Variants in DCAF5 observed in about 807,000 individuals in gnomAD.
The protein encoded by DCAF5 is DDB1- and CUL4-associated factor 5.
Under a neutral mutation model 80.7 loss-of-function variants are expected in DCAF5, and 9 were observed. The ratio of observed to expected loss-of-function variants is 0.11; its 90% CI spans 0.07 to 0.19. The LOEUF (loss-of-function observed/expected upper bound fraction) is 0.19. Ranked by LOEUF, DCAF5 falls within the 10% of genes least tolerant of loss-of-function variation. DCAF5 has a pLI of 1.00. For missense variants in DCAF5, 842 were observed against 1,205.7 expected (o/e 0.70, Z 4.47); for synonymous variants, 433 against 461.9 (o/e 0.94, Z 0.80).
chr14:69,102,601 C>CACACACACACACACACACACACACACAA (rs2039998742), intron 5 of DCAF5, among the ~76,000 whole-genome samples: 1 of 148,558 alleles, frequency 6.7e-6, no homozygotes, highest in Non-Finnish European at 1.5e-5. Flanking sequence ...GACACACACA[C>CACACACACACACACACACACACACACAA]ACACACACAC....
intron 6 of DCAF5, among the ~76,000 whole-genome samples, chr14:69,083,086 C>G (rs916739098): frequency 6.6e-6 from 1 of 152,292 alleles, no homozygotes. Context: ...ACTCCAAAAC[C>G]TTTTAAGCTT....
At chr14:69,122,490 A>G in intron 1 of DCAF5, 130 bp from the exon 2 acceptor site, 1 of 925,526 alleles carries the variant, frequency 1.1e-6, no homozygotes, top group Non-Finnish European at 1.6e-6. Context: ...CGCATGGAGC[A>G]CAAAAACCCA....
chr14:69,136,415 C>T (rs1161220101), intron 1 of DCAF5, among the ~76,000 whole-genome samples: 1 of 152,054 alleles, frequency 6.6e-6, no homozygotes, highest in South Asian at 2.1e-4. Flanking sequence ...AGCACCCAGC[C>T]TATAATTTTC....
rs1437039592 is a variant in DCAF5, at chr14:69,091,663, A to T, written c.879+11T>A. 6.2e-7 allele frequency: 1 copy of T among 1,610,934 alleles called. No homozygotes were observed. The highest frequency in any genetic ancestry group is 2.2e-5 in the East Asian group (1 of 44,844). On this transcript the variant is annotated intron_variant, in intron 6 of 8. Coordinates refer to ENST00000341516, the MANE Select transcript of DCAF5 (RefSeq NM_003861.3). The stretch of plus-strand genomic sequence containing the variant: ...CATAAGTGTGAGATGCAGGAGGCAG[A>T]CAGCATTTACCTGGTCACGATCTCC...
chr14:69,130,429 G>A (rs931644007), intron 1 of DCAF5, among the ~76,000 whole-genome samples: 1 of 152,224 alleles, frequency 6.6e-6, no homozygotes, highest in African/African-American at 2.4e-5. Flanking sequence ...TGGGGGAAAA[G>A]AGGAATGGCG....
At chr14:69,113,402 T>C (rs943243588) in intron 5 of DCAF5, among the ~76,000 whole-genome samples, 2 of 152,182 alleles carry the variant, frequency 1.3e-5, no homozygotes, top group Non-Finnish European at 2.9e-5. Flanking sequence ...AGGGTCTCTA[T>C]GAGAACTTGG....
At chr14:69,091,540 A>G in intron 6 of DCAF5, 134 bp downstream of exon 6, 1 of 785,978 alleles carries the variant, frequency 1.3e-6, no homozygotes. Context: ...AAGTCAGAAC[A>G]TCTCCAGGCA....
intron 6 of DCAF5, 46 bp downstream of exon 6, chr14:69,091,628 G>A (rs966336102): frequency 6.5e-7 from 1 of 1,544,310 alleles, no homozygotes; most frequent in Non-Finnish European, 8.9e-7. Flanking sequence ...AGAACAATCA[G>A]AAAGAAAAGC....
intron 6 of DCAF5, among the ~76,000 whole-genome samples, chr14:69,087,815 A>G (rs1246029668): frequency 2.0e-5 from 3 of 152,194 alleles, no homozygotes; most frequent in African/African-American, 7.2e-5. Context: ...AGCCTTCAGC[A>G]GGAAGCAGGA....
At chr14:69,123,965 T>C (rs1173155601) in intron 1 of DCAF5, among the ~76,000 whole-genome samples, 3 of 152,174 alleles carry the variant, frequency 2.0e-5, no homozygotes, top group African/African-American at 7.2e-5. Flanking sequence ...CCCAAAGTGC[T>C]GGGATTACAG....
At chr14:69,121,174 G>T (rs1282214110) in intron 2 of DCAF5, among the ~76,000 whole-genome samples, 1 of 152,216 alleles carries the variant, frequency 6.6e-6, no homozygotes, top group Non-Finnish European at 1.5e-5. Context: ...TTGGGATTTA[G>T]ACTTCATTCT....
chr14:69,148,343 A>C (rs1212907632), intron 1 of DCAF5, among the ~76,000 whole-genome samples: 1 of 152,206 alleles, frequency 6.6e-6, no homozygotes, highest in Non-Finnish European at 1.5e-5. Context: ...AAGGACTAAC[A>C]CACATAAATA....
In DCAF5 at chr14:69,066,014, C is replaced by T. The variant is rs377069336; in HGVS notation, c.947-3503G>A. On this transcript the variant is annotated intron_variant, in intron 7 of 8. Coordinates refer to ENST00000341516, the MANE Select transcript of DCAF5 (RefSeq NM_003861.3). ...ATAATGGGTACCCATAAATAAAATA[C>T]CACATACCCAGGAAAAAGGATCTCA... 6.5e-4 allele frequency among the ~76,000 whole-genome samples: 99 copies of T among 152,272 alleles called. No homozygotes were observed. The South Asian group carries it at 0.02, about 31-fold the overall frequency.
rs796260818 is a variant in DCAF5 at position 69,118,073 on chromosome 14, A to G, written c.535+66T>C. On this transcript the variant is annotated intron_variant, in intron 4 of 8. Transcript: ENST00000341516. This position sits in a 1 kb window ranked among gnomAD's most constrained non-coding sequence, Gnocchi z 4.0. ...CATAGATACTGAGGTAATAAATTGG[A>G]TCTTCAATGAATCTGACATCAAACT... is the stretch of plus-strand genomic sequence containing the variant. 1.3e-6 allele frequency: 2 copies of G among 1,589,034 alleles called. No homozygotes were observed. Among genetic ancestry groups the G allele is most frequent in the South Asian group, 2.3e-5 (2 of 88,854 alleles).
intron 5 of DCAF5, among the ~76,000 whole-genome samples, chr14:69,100,902 G>T (rs189203496): frequency 6.6e-5 from 10 of 152,204 alleles, no homozygotes; most frequent in Admixed American, 4.6e-4. Flanking sequence ...AAAATAGAAA[G>T]TTCAAACTAC....
At chr14:69,129,461 C>G (rs996058918) in intron 1 of DCAF5, among the ~76,000 whole-genome samples, 1 of 152,176 alleles carries the variant, frequency 6.6e-6, no homozygotes, top group Non-Finnish European at 1.5e-5. Context: ...GGGCGCTAAA[C>G]AGCTGTGCCC....
chr14:69,109,376 T>C (rs937100502), intron 5 of DCAF5, among the ~76,000 whole-genome samples: 1 of 151,320 alleles, frequency 6.6e-6, no homozygotes, highest in African/African-American at 2.4e-5. Context: ...TATGATAACA[T>C]GCACTAATTC....
intron 1 of DCAF5, 22 bp from the exon 2 acceptor site, chr14:69,122,382 TG>T: frequency 6.2e-7 from 1 of 1,600,998 alleles, no homozygotes; most frequent in Non-Finnish European, 8.5e-7. Context: ...AATAAGAATC[TG>T]TGCTTAAAAC....
chr14:69,069,896 C>T (rs777659892), intron 7 of DCAF5, among the ~76,000 whole-genome samples: 2 of 152,190 alleles, frequency 1.3e-5, no homozygotes, highest in African/African-American at 4.8e-5. Context: ...GCTGGGATTA[C>T]AGGCATGTGC....
Sources: gnomAD v4.1 joint callset for allele counts (sites outside exome capture counted in the v4.1 genomes callset) on GRCh38, gnomAD v4.1.1 for gene constraint, Gnocchi (gnomAD v3.1) non-coding constraint, MANE v1.5 for transcripts, NCBI Gene and HGNC (gene_info 2026-07-23, HGNC 2026-07-21) for gene names.